The following SMOC1 variants were observed in gnomAD, a reference collection of about 807,000 sequenced individuals.
SMOC1 encodes the protein SPARC related modular calcium binding 1.
A neutral mutation model predicts 56.3 loss-of-function variants in SMOC1; 22 were observed. The observed-to-expected ratio is 0.39, with a 90% CI of 0.28 to 0.56. The LOEUF (loss-of-function observed/expected upper bound fraction) is 0.56. Among genes scored for constraint, SMOC1 ranks in the 20% least tolerant of loss-of-function variants. The pLI is 0.61. For synonymous variants in SMOC1, 193 were observed against 215.0 expected, an observed-to-expected ratio of 0.90 and a Z score of 0.89; for missense variants, 509 against 565.4, an observed-to-expected ratio of 0.90 and a Z score of 1.01.
intron 7 of SMOC1, among the ~76,000 whole-genome samples, chr14:69,998,256 T>C (rs1474686322): frequency 1.3e-5 from 2 of 152,186 alleles, no homozygotes; most frequent in Non-Finnish European, 2.9e-5. Flanking sequence ...CTCGCCTCCA[T>C]TGAACCTCTC....
chr14:69,904,065 T>C (rs1295414885), intron 1 of SMOC1, among the ~76,000 whole-genome samples: 1 of 152,110 alleles, frequency 6.6e-6, no homozygotes, highest in African/African-American at 2.4e-5. Context: ...GGGGCCCAGG[T>C]GAAACCAGCA....
At chr14:69,935,368 A>G (rs929104583) in intron 1 of SMOC1, among the ~76,000 whole-genome samples, 3 of 152,192 alleles carry the variant, frequency 2.0e-5, no homozygotes, top group Admixed American at 1.3e-4. Context: ...CCTAGAAGAA[A>G]TAGTTTCTTA....
rs546180375 is a variant in SMOC1 at position 70,030,161 on chromosome 14, A to C, written c.1292-81A>C. On this transcript the variant is annotated intron_variant, in intron 11 of 11. Transcript: ENST00000361956. ...ATTGATGGACATAGCTGGATTTCTC[A>C]CAAGCCCAACTCTAACTTCTTGCTT... is the stretch of plus-strand genomic sequence containing the variant. The C allele has an allele frequency of 2.2e-3, 3,584 of 1,599,694 alleles. 2 individuals carry two copies. The highest frequency in any genetic ancestry group is 2.4e-3 in the Non-Finnish European group (2,859 of 1,171,242).
intron 7 of SMOC1, among the ~76,000 whole-genome samples, chr14:70,005,395 A>T (rs1405375858): frequency 6.6e-6 from 1 of 152,160 alleles, no homozygotes; most frequent in Non-Finnish European, 1.5e-5. Flanking sequence ...GTGGGATGTG[A>T]AAGAACCCGT....
chr14:69,926,007 C>G (rs1306639123), intron 1 of SMOC1, among the ~76,000 whole-genome samples: 1 of 151,854 alleles, frequency 6.6e-6, no homozygotes, highest in Non-Finnish European at 1.5e-5. Flanking sequence ...CAGGAACTCT[C>G]TGTCACCGAG....
At chr14:69,885,398 G>T in intron 1 of SMOC1, 1 of 1,600,196 alleles carries the variant, frequency 6.2e-7, no homozygotes, top group Non-Finnish European at 8.5e-7. Context: ...GGCGATACGA[G>T]CCACAGACTT....
rs570735499 is a variant in SMOC1, at chr14:69,978,107, C to G, written c.526+142C>G. 416 of 751,542 alleles carry G rather than the reference C, an allele frequency of 5.5e-4. 1 individual carries two copies. Among genetic ancestry groups the G allele is most frequent in the Non-Finnish European group, 8.9e-4 (371 of 417,458 alleles). The allele number at this position is 751,542 out of a possible 1,614,324, so 46.6% of individuals were successfully genotyped here. On this transcript the variant is annotated intron_variant, in intron 5 of 11. Coordinates refer to ENST00000361956, the MANE Select transcript of SMOC1 (RefSeq NM_001034852.3). ...CTTCTCCATTCTTATTCCATGTTTCCTCTCTGAAGCACCCGAGGTAAGTAA... is the reference window on the plus strand; with the variant it reads ...CTTCTCCATTCTTATTCCATGTTTCGTCTCTGAAGCACCCGAGGTAAGTAA...
intron 3 of SMOC1, among the ~76,000 whole-genome samples, chr14:69,953,852 C>T (rs991076548): frequency 6.6e-6 from 1 of 152,150 alleles, no homozygotes; most frequent in Non-Finnish European, 1.5e-5. Flanking sequence ...TAAATGTGAG[C>T]TGATTATTTT....
rs150526780 is a variant in SMOC1, at chr14:69,927,893, C to G, written c.100-24245C>G. On this transcript the variant is annotated intron_variant, in intron 1 of 11. Coordinates refer to ENST00000361956, the MANE Select transcript of SMOC1 (RefSeq NM_001034852.3). ...TCACCTCCTCCAGGGGTAATGGATC[C>G]GAGTTCCTTTGTGTCCTGTAACTTG... Among the ~76,000 whole-genome samples the G allele has an allele frequency of 3.2e-3, 486 of 152,216 alleles. 5 individuals are homozygous for G. The highest frequency in any genetic ancestry group is 5.4e-3 in the Non-Finnish European group (369 of 68,018).
intron 1 of SMOC1, chr14:69,885,371 T>A (rs1883770818): frequency 6.3e-7 from 1 of 1,597,428 alleles, no homozygotes; most frequent in African/African-American, 1.3e-5. Flanking sequence ...TTCTTTAGCC[T>A]TTGCCTTTTT....
intron 3 of SMOC1, among the ~76,000 whole-genome samples, chr14:69,958,530 G>T (rs1190408886): frequency 6.6e-6 from 1 of 152,114 alleles, no homozygotes; most frequent in African/African-American, 2.4e-5. Context: ...GCAAAAACTG[G>T]GAAAAGATGA....
intron 1 of SMOC1, among the ~76,000 whole-genome samples, chr14:69,916,331 G>A (rs534043605): frequency 6.6e-6 from 1 of 152,198 alleles, no homozygotes; most frequent in Non-Finnish European, 1.5e-5. Context: ...CTATAGCCTG[G>A]TCCAAGCCGT....
At chr14:69,879,863 A>G in intron 1 of SMOC1, 86 bp downstream of exon 1, 1 of 1,236,340 alleles carries the variant, frequency 8.1e-7, no homozygotes, top group Middle Eastern at 1.9e-4. Context: ...AGGAGGGGGA[A>G]GAGAGATGTC....
intron 1 of SMOC1, among the ~76,000 whole-genome samples, chr14:69,896,431 A>G (rs974130267): frequency 5.9e-5 from 9 of 152,212 alleles, no homozygotes; most frequent in African/African-American, 2.2e-4. Flanking sequence ...GAAAAGAAAG[A>G]TATTATTTAA....
At chr14:69,991,472 A>G (rs896481520) in intron 5 of SMOC1, among the ~76,000 whole-genome samples, 1 of 152,292 alleles carries the variant, frequency 6.6e-6, no homozygotes. Context: ...TGCTCCTTAG[A>G]TGAGTGATAA....
At chr14:69,921,804 A>C (rs1296435831) in intron 1 of SMOC1, among the ~76,000 whole-genome samples, 4 of 152,188 alleles carry the variant, frequency 2.6e-5, no homozygotes, top group Non-Finnish European at 5.9e-5. Flanking sequence ...AATGGCTCAG[A>C]GGGTCTGGAA....
At chr14:69,919,154 T>C (rs1884764829) in intron 1 of SMOC1, among the ~76,000 whole-genome samples, 1 of 152,210 alleles carries the variant, frequency 6.6e-6, no homozygotes, top group Non-Finnish European at 1.5e-5. Context: ...TGGTTGGTAT[T>C]TCACATTGGG....
intron 5 of SMOC1, 172 bp from the exon 6 acceptor site, chr14:69,992,245 G>A (rs1002359551): frequency 1.8e-5 from 3 of 164,630 alleles, no homozygotes; most frequent in African/African-American, 7.2e-5. Context: ...TCTCTCTATG[G>A]TTCTCTTTTC....
intron 5 of SMOC1, among the ~76,000 whole-genome samples, chr14:69,980,631 G>A (rs1051756952): frequency 1.1e-4 from 16 of 152,214 alleles, no homozygotes; most frequent in East Asian, 1.9e-4. Flanking sequence ...GTGTCGACTA[G>A]CCAAGGTTCC....
Sources: allele counts gnomAD v4.1 joint callset (sites outside exome capture counted in the v4.1 genomes callset), GRCh38; gene constraint gnomAD v4.1.1; transcripts MANE v1.5; gene names NCBI Gene and HGNC (gene_info 2026-07-23, HGNC 2026-07-21).